Variants in BCAS3 observed in about 807,000 individuals in gnomAD.
BCAS3 encodes the protein BCAS3 microtubule associated cell migration factor.
A neutral mutation model predicts 116.1 loss-of-function variants in BCAS3; 53 were observed. That is an observed-to-expected ratio of 0.46 (90% CI 0.37 to 0.57). The LOEUF is 0.57. Ranked by LOEUF, BCAS3 falls within the 20% of genes least tolerant of loss-of-function variation. The probability of loss-of-function intolerance (pLI) is 0.00; values close to 1 mark genes in which losing one functional copy is unlikely to be tolerated. For missense variants in BCAS3, 917 were observed against 1,165.4 expected (o/e 0.79, Z 3.10); for synonymous variants, 391 against 408.2 (o/e 0.96, Z 0.51).
In BCAS3 at chr17:61,214,667, G is replaced by A. The variant is rs1039332554; in HGVS notation, c.2425+130103G>A. 3.3e-5 allele frequency among the ~76,000 whole-genome samples: 5 copies of A among 151,964 alleles called. No individual in the cohort carries two copies. Among genetic ancestry groups the A allele is most frequent in the Non-Finnish European group, 7.4e-5 (5 of 68,010 alleles). On this transcript the variant is annotated intron_variant, in intron 22 of 23. Coordinates refer to ENST00000407086, the MANE Select transcript of BCAS3 (RefSeq NM_017679.5). This position sits in a 1 kb window ranked among gnomAD's most constrained non-coding sequence, Gnocchi z 4.4. ...GATCGCGCCACTGCACTCCAGCCTG[G>A]GCGACAGAGCAAGACTCCATCTCAA...
At chr17:60,959,147 C>CA (rs201979854) in intron 14 of BCAS3, among the ~76,000 whole-genome samples, 3,174 of 150,042 alleles carry the variant, frequency 0.021, 41 homozygotes, top group Middle Eastern at 0.065. Context: ...TCTACAAAAG[C>CA]AAAAAAAAAG....
intron 13 of BCAS3, 120 bp downstream of exon 13, chr17:60,924,620 A>G (rs1270499444): frequency 3.2e-6 from 2 of 634,406 alleles, no homozygotes; most frequent in Admixed American, 6.3e-5. Flanking sequence ...TATATCAGAA[A>G]AGTTATTAAG....
intron 12 of BCAS3, among the ~76,000 whole-genome samples, chr17:60,924,087 C>A (rs895375133): frequency 6.6e-6 from 1 of 152,108 alleles, no homozygotes; most frequent in Non-Finnish European, 1.5e-5. Flanking sequence ...TAAGTGATTA[C>A]ATTTTGTAAA....
intron 4 of BCAS3, among the ~76,000 whole-genome samples, chr17:60,704,961 G>T (rs185307700): frequency 2.6e-5 from 4 of 151,988 alleles, no homozygotes; most frequent in Admixed American, 2.0e-4. Context: ...CTATCTTGTT[G>T]TTGGGCCTCT....
chr17:61,264,343 GATATATTCA>G (rs759237905), intron 22 of BCAS3, among the ~76,000 whole-genome samples: 1 of 150,824 alleles, frequency 6.6e-6, no homozygotes, highest in Non-Finnish European at 1.5e-5. Context: ...AAAAAATCAT[GATATATTCA>G]TTGTATAGCA....
At position 61,348,893 on chromosome 17, in the gene BCAS3, C is replaced by T. The variant is rs1215743152; in HGVS notation, c.2426-19434C>T. 6.6e-6 allele frequency among the ~76,000 whole-genome samples: 1 copy of T among 151,722 alleles called. No homozygotes were observed. Among genetic ancestry groups the T allele is most frequent in the Middle Eastern group, 3.2e-3 (1 of 316 alleles). On this transcript the variant is annotated intron_variant, in intron 22 of 23. Transcript: ENST00000407086. This position sits in a 1 kb window ranked among gnomAD's most constrained non-coding sequence, Gnocchi z 4.5. ...TCAGCTTCCCGAGTAGCTGGGACTA[C>T]AGGCGCCCACCGCCACACACGGCTA...
rs1243142538 is a variant in BCAS3 at position 61,063,252 on chromosome 17, GT to G, written c.2030-11662del. On this transcript the variant is annotated intron_variant, in intron 19 of 23. Coordinates refer to ENST00000407086, the MANE Select transcript of BCAS3 (RefSeq NM_017679.5). This position sits in a 1 kb window ranked among gnomAD's most constrained non-coding sequence, Gnocchi z 5.3. ...ACAGTAAAGCCATGGTTTATTTACA[GT>G]TTTTTGTTTTTTTGTTGTTTTGGTT... Among the ~76,000 whole-genome samples the G allele has an allele frequency of 2.6e-5, 4 of 151,376 alleles. No individual in the cohort carries two copies. Among genetic ancestry groups the G allele is most frequent in the African/African-American group, 9.7e-5 (4 of 41,178 alleles).
chr17:61,318,430 T>G (rs1229206180), intron 22 of BCAS3, among the ~76,000 whole-genome samples: 1 of 152,104 alleles, frequency 6.6e-6, no homozygotes, highest in African/African-American at 2.4e-5. Context: ...TAGAACCAAA[T>G]GTAGTCTTTC....
At position 61,363,114 on chromosome 17, in the gene BCAS3, A is replaced by G. The variant is rs1226694548; in HGVS notation, c.2426-5213A>G. 1.3e-5 allele frequency among the ~76,000 whole-genome samples: 2 copies of G among 152,218 alleles called. No individual in the cohort carries two copies. Among genetic ancestry groups the G allele is most frequent in the Admixed American group, 6.5e-5 (1 of 15,278 alleles). Reference sequence around the variant, plus strand: ...AGTTAGAAAAGCAGTTCATGTGAACAGTGTAAGGCAGTACGGAAATAAGGC... The same window carrying G: ...AGTTAGAAAAGCAGTTCATGTGAACGGTGTAAGGCAGTACGGAAATAAGGC... On this transcript the variant is annotated intron_variant, in intron 22 of 23. Transcript: ENST00000407086. The surrounding 1 kb of genome is among the most constrained non-coding windows in gnomAD (Gnocchi z 4.9).
chr17:61,350,745 A>G (rs1206489736), intron 22 of BCAS3, among the ~76,000 whole-genome samples: 1 of 151,390 alleles, frequency 6.6e-6, no homozygotes, highest in Non-Finnish European at 1.5e-5. Flanking sequence ...TGATCCTCCC[A>G]TCTCAGCCTC....
At chr17:60,966,041 CAT>C (rs1461914083) in intron 14 of BCAS3, among the ~76,000 whole-genome samples, 2 of 152,174 alleles carry the variant, frequency 1.3e-5, no homozygotes, top group Non-Finnish European at 2.9e-5. Flanking sequence ...ATAATTGTTA[CAT>C]ATGTTTACTT....
intron 16 of BCAS3, chr17:61,027,212 GT>G: frequency 6.9e-6 from 3 of 432,026 alleles, no homozygotes; most frequent in South Asian, 3.1e-5. Flanking sequence ...TAACACCCAA[GT>G]TTAAAGCTTT....
chr17:60,892,309 C>CTT (rs1178345376), intron 10 of BCAS3, among the ~76,000 whole-genome samples: 6 of 145,914 alleles, frequency 4.1e-5, no homozygotes, highest in African/African-American at 1.6e-4. Flanking sequence ...TTGTTTTTGA[C>CTT]TTATTTTTTT....
intron 19 of BCAS3, chr17:61,070,276 G>C: frequency 6.9e-7 from 1 of 1,444,572 alleles, no homozygotes; most frequent in Non-Finnish European, 9.6e-7. Flanking sequence ...AGAGAAGAAG[G>C]CATATGTTCG....
intron 10 of BCAS3, 64 bp from the exon 11 acceptor site, chr17:60,902,556 A>C: frequency 7.6e-7 from 1 of 1,311,000 alleles, no homozygotes; most frequent in Non-Finnish European, 1.1e-6. Flanking sequence ...CTATCCTGAT[A>C]GCCTGTAGAG....
In BCAS3 at chr17:61,151,408, C is replaced by G. The variant is rs1375519100; in HGVS notation, c.2425+66844C>G. Among the ~76,000 whole-genome samples, 1 of 150,310 alleles carries G rather than the reference C, an allele frequency of 6.7e-6. No homozygotes were observed. Among genetic ancestry groups the G allele is most frequent in the Non-Finnish European group, 1.5e-5 (1 of 67,856 alleles). ...TTTTTCCTACTTTTTTTTTTTTTAA[C>G]CTGTTAAGGTCTTCCGCAAATTCCT... On this transcript the variant is annotated intron_variant, in intron 22 of 23. Transcript: ENST00000407086. This position sits in a 1 kb window ranked among gnomAD's most constrained non-coding sequence, Gnocchi z 4.8.
chr17:61,040,776 TCTC>T lies in BCAS3; in HGVS notation c.1929-13_1929-11del. 1 of 1,595,158 alleles carries T rather than the reference TCTC, an allele frequency of 6.3e-7. No individual in the cohort carries two copies. Among genetic ancestry groups the T allele is most frequent in the Non-Finnish European group, 8.6e-7 (1 of 1,162,866 alleles). ...TATTAAGCTTAAATATTAATATTCT[TCTC>T]CTGTTTCCTTAGAACCCCTCAATGG... On this transcript the variant is annotated splice_polypyrimidine_tract_variant and intron_variant, in intron 18 of 23. Coordinates refer to ENST00000407086, the MANE Select transcript of BCAS3 (RefSeq NM_017679.5).
At chr17:60,942,862 C>T (rs775198787) in intron 13 of BCAS3, among the ~76,000 whole-genome samples, 7 of 152,020 alleles carry the variant, frequency 4.6e-5, no homozygotes, top group Admixed American at 2.6e-4. Context: ...GCAAGGTAAA[C>T]GTAGAAACCA....
chr17:60,777,041 G>A (rs1421217699), intron 6 of BCAS3, among the ~76,000 whole-genome samples: 2 of 149,644 alleles, frequency 1.3e-5, no homozygotes, highest in Non-Finnish European at 3.0e-5. Flanking sequence ...AACAAATGAA[G>A]TAAAGTATAT....
Sources: gnomAD v4.1 joint callset for allele counts (sites outside exome capture counted in the v4.1 genomes callset) on GRCh38, gnomAD v4.1.1 for gene constraint, Gnocchi (gnomAD v3.1) non-coding constraint, MANE v1.5 for transcripts, NCBI Gene and HGNC (gene_info 2026-07-23, HGNC 2026-07-21) for gene names.